CCDC39: variants seen among roughly 807,000 people sequenced by gnomAD.
CCDC39 encodes the protein coiled-coil domain 39 molecular ruler complex subunit.
Under a neutral mutation model 121.0 loss-of-function variants are expected in CCDC39, and 113 were observed. The ratio of observed to expected loss-of-function variants is 0.93; its 90% CI spans 0.80 to 1.09. The LOEUF is 1.09. Ranked by LOEUF, CCDC39 falls within the 50% of genes least tolerant of loss-of-function variation. CCDC39 has a pLI of 0.00. For synonymous variants in CCDC39, 349 were observed against 352.2 expected, an observed-to-expected ratio of 0.99 and a Z score of 0.10; for missense variants, 1,063 against 1,074.7, an observed-to-expected ratio of 0.99 and a Z score of 0.15.
chr3:180,643,415 T>G (rs890877598), intron 12 of CCDC39, among the ~76,000 whole-genome samples: 1 of 152,204 alleles, frequency 6.6e-6, no homozygotes, highest in Non-Finnish European at 1.5e-5. Context: ...ACATTTTTAT[T>G]TAAACATAAA....
chr3:180,653,533 A>T (rs571826841), intron 7 of CCDC39, among the ~76,000 whole-genome samples: 1 of 152,188 alleles, frequency 6.6e-6, no homozygotes, highest in African/African-American at 2.4e-5. Context: ...TTAGGTTGAC[A>T]GATTCAATAC....
chr3:180,650,317 T>A (rs1037122141), intron 9 of CCDC39, among the ~76,000 whole-genome samples: 3 of 151,934 alleles, frequency 2.0e-5, no homozygotes, highest in African/African-American at 7.3e-5. Context: ...ACCAAAAAAT[T>A]TTGCCAGAGT....
intron 12 of CCDC39, among the ~76,000 whole-genome samples, chr3:180,642,776 G>GT (rs1436621324): frequency 5.3e-5 from 8 of 151,672 alleles, no homozygotes; most frequent in Non-Finnish European, 1.2e-4. Flanking sequence ...TGAAATCAAC[G>GT]TAACTACTAG....
At position 180,614,116 on chromosome 3, in the gene CCDC39, T is replaced by A. The variant is rs563456882; in HGVS notation, c.*805A>T. 7 of 188,254 alleles carry A rather than the reference T, an allele frequency of 3.7e-5. No individual in the cohort carries two copies. The highest frequency in any genetic ancestry group is 1.4e-4 in the African/African-American group (6 of 42,214). The allele number at this position is 188,254 out of a possible 1,614,324, so 11.7% of individuals were successfully genotyped here. A position where few individuals can be genotyped will look rare whatever the true frequency, so the allele number is the denominator to read the frequency against. On this transcript the variant is annotated 3_prime_UTR_variant, in exon 20 of 20. Transcript: ENST00000476379. The stretch of plus-strand genomic sequence containing the variant: ...ATAATGAAGTGTTAACTGGAAAAAC[T>A]ACTACATTTGGCAGTCTACCTCCAA...
At chr3:180,655,316 C>T (rs947272829) in intron 6 of CCDC39, among the ~76,000 whole-genome samples, 2 of 151,720 alleles carry the variant, frequency 1.3e-5, no homozygotes, top group African/African-American at 4.8e-5. Context: ...ATTTTACAGA[C>T]CGGTTTTTTT....
At chr3:180,667,484 T>G (rs549560373) in intron 1 of CCDC39, among the ~76,000 whole-genome samples, 4 of 152,176 alleles carry the variant, frequency 2.6e-5, no homozygotes, top group Non-Finnish European at 4.4e-5. Context: ...ATATTTAAAA[T>G]TTTTTCATTA....
intron 2 of CCDC39, 136 bp from the exon 3 acceptor site, chr3:180,662,143 T>A: frequency 1.3e-6 from 1 of 743,964 alleles, no homozygotes; most frequent in Non-Finnish European, 2.1e-6. Context: ...TCCACTACTC[T>A]AAAATCTACA....
intron 11 of CCDC39, among the ~76,000 whole-genome samples, chr3:180,646,720 G>C (rs1316243671): frequency 6.6e-6 from 1 of 152,056 alleles, no homozygotes; most frequent in Non-Finnish European, 1.5e-5. Context: ...CTCTTGAAGA[G>C]TATTTAGAAG....
intron 3 of CCDC39, among the ~76,000 whole-genome samples, chr3:180,661,144 T>C (rs1478817446): frequency 1.3e-5 from 2 of 152,028 alleles, no homozygotes; most frequent in African/African-American, 4.8e-5. Flanking sequence ...CCATTTCCAA[T>C]CATATTGTTT....
intron 13 of CCDC39, among the ~76,000 whole-genome samples, chr3:180,632,567 C>T (rs1576937669): frequency 6.6e-6 from 1 of 152,146 alleles, no homozygotes; most frequent in East Asian, 1.9e-4. Context: ...ATCATAAAAA[C>T]TTGCTGGACT....
intron 12 of CCDC39, among the ~76,000 whole-genome samples, chr3:180,642,495 T>G (rs1003403336): frequency 5.9e-5 from 9 of 152,032 alleles, no homozygotes; most frequent in Non-Finnish European, 1.3e-4. Context: ...CCAAAAAACA[T>G]AAAGCCCTAT....
At chr3:180,676,247 T>C (rs970089596) in intron 1 of CCDC39, among the ~76,000 whole-genome samples, 1 of 152,240 alleles carries the variant, frequency 6.6e-6, no homozygotes, top group Non-Finnish European at 1.5e-5. Flanking sequence ...TCTACTCATC[T>C]GACAAAGGGC....
chr3:180,663,231 T>C (rs1180147000), intron 2 of CCDC39, among the ~76,000 whole-genome samples: 1 of 152,186 alleles, frequency 6.6e-6, no homozygotes, highest in Non-Finnish European at 1.5e-5. Context: ...CCCAGTGAGT[T>C]GTGCTGAAAA....
At position 180,650,942 on chromosome 3, in the gene CCDC39, G is replaced by C. The variant is rs545963653; in HGVS notation, c.1167+459C>G. ...AAAAGAGAGGAGGCTGGCCGGCACAGTGGCTCACACCTGTAATCCCAGCAC... is the reference window on the plus strand; with the variant it reads ...AAAAGAGAGGAGGCTGGCCGGCACACTGGCTCACACCTGTAATCCCAGCAC... On this transcript the variant is annotated intron_variant, in intron 9 of 19. Coordinates refer to ENST00000476379, the MANE Select transcript of CCDC39 (RefSeq NM_181426.2). Among the ~76,000 whole-genome samples, 71 of 152,002 alleles carry C rather than the reference G, an allele frequency of 4.7e-4. 1 individual carries two copies. The highest frequency in any genetic ancestry group is 1.6e-3 in the African/African-American group (68 of 41,464).
chr3:180,644,333 T>A, intron 11 of CCDC39, 76 bp from the exon 12 acceptor site: 1 of 813,690 alleles, frequency 1.2e-6, no homozygotes, highest in Non-Finnish European at 1.8e-6. Flanking sequence ...CTGTATTATA[T>A]ATATCTTACA....
intron 14 of CCDC39, among the ~76,000 whole-genome samples, chr3:180,627,550 T>G (rs1717593738): frequency 6.6e-6 from 1 of 152,218 alleles, no homozygotes; most frequent in South Asian, 2.1e-4. Context: ...CTCTCAAAAG[T>G]CTGTCCAATA....
rs1717389650 is a variant in CCDC39 at position 180,619,969 on chromosome 3, G to A, written c.2000C>T (p.Ala667Val). ...TTGAAGTTCTTCTTTTTCTTGAGCAGCCTATGAAGTACAGAATAGAACTGG... is the reference window on the plus strand; with the variant it reads ...TTGAAGTTCTTCTTTTTCTTGAGCAACCTATGAAGTACAGAATAGAACTGG... Reference protein sequence around the residue: ...EKTQAYYVIKAAQEKEELQRE... With the variant: ...EKTQAYYVIKVAQEKEELQRE... The change falls in exon 15 of 20, where the codon GCT becomes GTT. Residue 667 changes from alanine to valine, a missense_variant and splice_region_variant. Transcript: ENST00000476379. The A allele has an allele frequency of 2.5e-6, 4 of 1,601,124 alleles. No individual in the cohort carries two copies. The African/African-American group carries it at 5.4e-5, about 21-fold the overall frequency.
At chr3:180,669,046 A>G (rs1412601921) in intron 1 of CCDC39, among the ~76,000 whole-genome samples, 1 of 152,218 alleles carries the variant, frequency 6.6e-6, no homozygotes, top group Non-Finnish European at 1.5e-5. Flanking sequence ...GCATGTTCGT[A>G]TGTGAGAGGA....
intron 1 of CCDC39, among the ~76,000 whole-genome samples, chr3:180,665,317 A>G (rs1228724584): frequency 6.6e-6 from 1 of 152,216 alleles, no homozygotes; most frequent in African/African-American, 2.4e-5. Flanking sequence ...GGATTATTAG[A>G]ATATACTGTC....
Sources: allele counts gnomAD v4.1 joint callset (sites outside exome capture counted in the v4.1 genomes callset), GRCh38; gene constraint gnomAD v4.1.1; transcripts MANE v1.5; gene names NCBI Gene and HGNC (gene_info 2026-07-23, HGNC 2026-07-21).